HS6ST3: variants seen among roughly 807,000 people sequenced by gnomAD.
HS6ST3 encodes heparan-sulfate 6-O-sulfotransferase 3.
A neutral mutation model predicts 36.7 loss-of-function variants in HS6ST3; 12 were observed. The ratio of observed to expected loss-of-function variants is 0.33; its 90% CI spans 0.21 to 0.53. The LOEUF (loss-of-function observed/expected upper bound fraction) is 0.53. Among genes scored for constraint, HS6ST3 ranks in the 20% least tolerant of loss-of-function variants. The pLI is 0.95. For missense variants in HS6ST3, 584 were observed against 640.9 expected (o/e 0.91, Z 0.96); for synonymous variants, 240 against 257.5 (o/e 0.93, Z 0.65).
intron 1 of HS6ST3, among the ~76,000 whole-genome samples, chr13:96,341,442 A>G (rs2055129604): frequency 6.6e-6 from 1 of 152,194 alleles, no homozygotes; most frequent in Non-Finnish European, 1.5e-5. Context: ...TGCAGCCCAT[A>G]TATAAATCAA....
rs117663066 is a variant in HS6ST3 at position 96,307,917 on chromosome 13, A to G, written c.707+216348A>G. Among the ~76,000 whole-genome samples the G allele has an allele frequency of 9.4e-4, 143 of 152,172 alleles. 1 individual carries two copies. The East Asian group carries it at 0.026, about 27-fold the overall frequency. ...CGGTTTTGACTTTAGTTTTTGCATA[A>G]TTGCTGCTTTTTGGATTTACATTAC... On this transcript the variant is annotated intron_variant, in intron 1 of 1. Coordinates refer to ENST00000376705, the MANE Select transcript of HS6ST3 (RefSeq NM_153456.4).
intron 1 of HS6ST3, among the ~76,000 whole-genome samples, chr13:96,716,286 G>A (rs747966632): frequency 2.0e-5 from 3 of 151,980 alleles, no homozygotes; most frequent in Non-Finnish European, 4.4e-5. Flanking sequence ...ACAGATAACT[G>A]AAATCACTTA....
intron 1 of HS6ST3, among the ~76,000 whole-genome samples, chr13:96,710,620 G>C (rs1452509046): frequency 4.6e-5 from 7 of 152,214 alleles, no homozygotes; most frequent in Non-Finnish European, 8.8e-5. Flanking sequence ...AGAGAAGCAG[G>C]CTGATTGCAC....
At chr13:96,615,435 A>G (rs897103307) in intron 1 of HS6ST3, among the ~76,000 whole-genome samples, 1 of 152,202 alleles carries the variant, frequency 6.6e-6, no homozygotes, top group Non-Finnish European at 1.5e-5. Context: ...TGATCAGATG[A>G]CATGATGAGA....
At chr13:96,390,639 A>G (rs890159798) in intron 1 of HS6ST3, among the ~76,000 whole-genome samples, 19 of 152,234 alleles carry the variant, frequency 1.2e-4, no homozygotes, top group African/African-American at 4.3e-4. Flanking sequence ...TCATTCTTCC[A>G]GTCTTCAACA....
At chr13:96,520,004 T>C (rs2056086972) in intron 1 of HS6ST3, among the ~76,000 whole-genome samples, 1 of 152,236 alleles carries the variant, frequency 6.6e-6, no homozygotes, top group South Asian at 2.1e-4. Context: ...AGTAATTCTA[T>C]TGGTTACCTT....
intron 1 of HS6ST3, among the ~76,000 whole-genome samples, chr13:96,175,633 A>G (rs2054209118): frequency 7.0e-6 from 1 of 143,206 alleles, no homozygotes; most frequent in Non-Finnish European, 1.5e-5. Flanking sequence ...CTTTTTGTGT[A>G]TTATTTTATG....
chr13:96,447,021 G>C (rs1594782312), intron 1 of HS6ST3, among the ~76,000 whole-genome samples: 2 of 152,116 alleles, frequency 1.3e-5, no homozygotes, highest in African/African-American at 2.4e-5. Context: ...TTTTTAGCTA[G>C]AGCCCTCAAT....
At chr13:96,596,848 A>G (rs1305415181) in intron 1 of HS6ST3, among the ~76,000 whole-genome samples, 1 of 152,136 alleles carries the variant, frequency 6.6e-6, no homozygotes, top group Non-Finnish European at 1.5e-5. Flanking sequence ...ACCCAAAGAA[A>G]TGTAAATTTT....
chr13:96,529,372 G>A (rs923369059), intron 1 of HS6ST3, among the ~76,000 whole-genome samples: 3 of 152,056 alleles, frequency 2.0e-5, no homozygotes, highest in African/African-American at 4.8e-5. Flanking sequence ...CTTGAATCAG[G>A]GTAGTCATGT....
intron 1 of HS6ST3, among the ~76,000 whole-genome samples, chr13:96,154,370 G>A (rs751627852): frequency 1.6e-4 from 25 of 152,004 alleles, no homozygotes; most frequent in Non-Finnish European, 3.2e-4. Context: ...ATAACAGATA[G>A]GTAAGTTTCA....
chr13:96,826,607 G>A (rs529267518), intron 1 of HS6ST3, among the ~76,000 whole-genome samples: 1 of 152,234 alleles, frequency 6.6e-6, no homozygotes, highest in African/African-American at 2.4e-5. Flanking sequence ...CAAGGAAGAT[G>A]GATGTGAGCC....
chr13:96,526,875 G>A (rs1159251340), intron 1 of HS6ST3, among the ~76,000 whole-genome samples: 2 of 152,098 alleles, frequency 1.3e-5, no homozygotes, highest in African/African-American at 2.4e-5. Context: ...AATGGAGATA[G>A]TCTGTAAATG....
intron 1 of HS6ST3, among the ~76,000 whole-genome samples, chr13:96,739,962 C>A (rs187816237): frequency 9.5e-4 from 145 of 152,270 alleles, no homozygotes; most frequent in African/African-American, 3.4e-3. Flanking sequence ...ACAGTGCTCA[C>A]TTATACTTCC....
chr13:96,386,371 A>G lies in HS6ST3; in HGVS notation c.707+294802A>G, dbSNP rs2055368022. The stretch of plus-strand genomic sequence containing the variant: ...TTGCACTTCTAAAGTGATGTGCAGA[A>G]TGATGCCTTTGCCCTAAGCCAATGC... On this transcript the variant is annotated intron_variant, in intron 1 of 1. Transcript: ENST00000376705. Among the ~76,000 whole-genome samples, 3 of 152,170 alleles carry G rather than the reference A, an allele frequency of 2.0e-5. No individual in the cohort carries two copies. The South Asian group carries it at 6.2e-4, about 32-fold the overall frequency.
At chr13:96,249,743 C>A (rs1450917714) in intron 1 of HS6ST3, among the ~76,000 whole-genome samples, 2 of 152,002 alleles carry the variant, frequency 1.3e-5, no homozygotes, top group Non-Finnish European at 2.9e-5. Flanking sequence ...TATATACACA[C>A]AATGGAATAT....
rs1224763893 is a variant in HS6ST3 at position 96,791,503 on chromosome 13, A to T, written c.708-40987A>T. On this transcript the variant is annotated intron_variant, in intron 1 of 1. Coordinates refer to ENST00000376705, the MANE Select transcript of HS6ST3 (RefSeq NM_153456.4). ...AACACAGGGGGCCAGGCACCCACAA[A>T]AAACCATCAAACTTGACATATGGGA... Among the ~76,000 whole-genome samples the T allele has an allele frequency of 2.0e-5, 3 of 152,008 alleles. No homozygotes were observed. The East Asian group carries it at 5.8e-4, about 29-fold the overall frequency.
At chr13:96,092,100 C>A (rs2139290038) in intron 1 of HS6ST3, among the ~76,000 whole-genome samples, 1 of 152,234 alleles carries the variant, frequency 6.6e-6, no homozygotes, top group South Asian at 2.1e-4. Flanking sequence ...CCTCTTGATG[C>A]CACTTTGAAG....
intron 1 of HS6ST3, among the ~76,000 whole-genome samples, chr13:96,238,023 G>A (rs1489334178): frequency 6.6e-6 from 1 of 152,144 alleles, no homozygotes; most frequent in Non-Finnish European, 1.5e-5. Flanking sequence ...GACATCTTCA[G>A]TTAATTATCT....
Sources: allele counts gnomAD v4.1 joint callset (sites outside exome capture counted in the v4.1 genomes callset), GRCh38; gene constraint gnomAD v4.1.1; transcripts MANE v1.5; gene names NCBI Gene and HGNC (gene_info 2026-07-23, HGNC 2026-07-21).